The following EPHA3 variants were observed in gnomAD, a reference collection of about 807,000 sequenced individuals.
EPHA3 encodes ephrin type-A receptor 3.
A neutral mutation model predicts 107.1 loss-of-function variants in EPHA3; 42 were observed. The observed-to-expected ratio is 0.39, with a 90% CI of 0.31 to 0.51. The LOEUF (loss-of-function observed/expected upper bound fraction) is 0.51, where lower values mean the gene tolerates loss of function less well. EPHA3 is among the 20% of genes least tolerant of loss of function. EPHA3 has a pLI of 0.78. For synonymous variants in EPHA3, 461 were observed against 424.8 expected (o/e 1.09, Z -1.05); for missense variants, 1,183 against 1,211.2 (o/e 0.98, Z 0.35).
chr3:89,358,706 AGTTTT>A lies in EPHA3; in HGVS notation c.1306+16617_1306+16621del, dbSNP rs1466990184. ...CAGATTATATGACATTAAGTATAAT[AGTTTT>A]ATCTTTTTTTCATTACTAAAGCAGA... is the stretch of plus-strand genomic sequence containing the variant. On this transcript the variant is annotated intron_variant, in intron 5 of 16. Transcript: ENST00000336596. Among the ~76,000 whole-genome samples the A allele has an allele frequency of 9.9e-5, 15 of 151,250 alleles. 1 individual carries two copies. The Admixed American group carries it at 9.9e-4, about 10-fold the overall frequency.
chr3:89,472,645 G>C, intron 16 of EPHA3, 26 bp downstream of exon 16: 1 of 1,596,686 alleles, frequency 6.3e-7, no homozygotes, highest in Non-Finnish European at 8.5e-7. Flanking sequence ...TCATTAAGAA[G>C]AATGAAGGAT....
chr3:89,230,145 A>T (rs925190258), intron 3 of EPHA3, among the ~76,000 whole-genome samples: 4 of 152,128 alleles, frequency 2.6e-5, no homozygotes, highest in Non-Finnish European at 5.9e-5. Flanking sequence ...AGAGCAATTA[A>T]GTAAACTCAC....
At chr3:89,336,152 T>A (rs182811689) in intron 3 of EPHA3, among the ~76,000 whole-genome samples, 1 of 152,314 alleles carries the variant, frequency 6.6e-6, no homozygotes, top group Admixed American at 6.5e-5. Flanking sequence ...CATTAATACA[T>A]CTACTTTTTA....
rs539580765 is a variant in EPHA3 at position 89,355,013 on chromosome 3, A to G, written c.1306+12923A>G. ...CACATGATTGTATTTACTCTTAATC[A>G]ATGCTAATTCAAAAGCACCCTCTTG... is the stretch of plus-strand genomic sequence containing the variant. On this transcript the variant is annotated intron_variant, in intron 5 of 16. Coordinates refer to ENST00000336596, the MANE Select transcript of EPHA3 (RefSeq NM_005233.6). Among the ~76,000 whole-genome samples, 4 of 151,272 alleles carry G rather than the reference A, an allele frequency of 2.6e-5. No homozygotes were observed. In the East Asian group the frequency reaches 7.8e-4, roughly 29 times the overall value.
In EPHA3 at chr3:89,348,554, C is replaced by T. The variant is rs1156320107; in HGVS notation, c.1306+6464C>T. Among the ~76,000 whole-genome samples, 324 of 136,656 alleles carry T rather than the reference C, an allele frequency of 2.4e-3. 1 individual carries two copies. The highest frequency in any genetic ancestry group is 9.0e-3 in the African/African-American group (274 of 30,560). The allele number at this position is 136,656 out of a possible 152,430, so 89.7% of individuals were successfully genotyped here. On this transcript the variant is annotated intron_variant, in intron 5 of 16. Transcript: ENST00000336596. ...GCGGTCTATCAATTTTGTTGATCCTCTCAAAAAACCAGCTCCTGGATTCAT... is the reference window on the plus strand; with the variant it reads ...GCGGTCTATCAATTTTGTTGATCCTTTCAAAAAACCAGCTCCTGGATTCAT...
At chr3:89,276,227 T>C (rs1013911121) in intron 3 of EPHA3, among the ~76,000 whole-genome samples, 1 of 152,104 alleles carries the variant, frequency 6.6e-6, no homozygotes, top group Non-Finnish European at 1.5e-5. Context: ...TAAAAATATG[T>C]CAACCTTTTA....
At chr3:89,218,545 A>T (rs1704274193) in intron 3 of EPHA3, among the ~76,000 whole-genome samples, 2 of 151,930 alleles carry the variant, frequency 1.3e-5, no homozygotes, top group Admixed American at 6.6e-5. Context: ...ATTGTTGGAC[A>T]TTTGGGTTGG....
At chr3:89,406,917 A>G (rs138858850) in intron 7 of EPHA3, among the ~76,000 whole-genome samples, 148 of 152,260 alleles carry the variant, frequency 9.7e-4, no homozygotes, top group Middle Eastern at 3.4e-3. Flanking sequence ...TCTCTTCTCT[A>G]AGATCCTCCC....
intron 3 of EPHA3, among the ~76,000 whole-genome samples, chr3:89,286,960 C>T (rs570258797): frequency 3.3e-5 from 5 of 152,190 alleles, no homozygotes; most frequent in East Asian, 1.9e-4. Context: ...ATTTTTTAGA[C>T]TCACTTTATA....
intron 3 of EPHA3, among the ~76,000 whole-genome samples, chr3:89,250,490 T>C (rs1386012770): frequency 6.6e-6 from 1 of 152,210 alleles, no homozygotes; most frequent in Non-Finnish European, 1.5e-5. Context: ...AATTTGTTGT[T>C]CTAGTCATGT....
intron 2 of EPHA3, among the ~76,000 whole-genome samples, chr3:89,160,043 A>G (rs1407999098): frequency 1.3e-5 from 2 of 152,250 alleles, no homozygotes; most frequent in Non-Finnish European, 2.9e-5. Context: ...ATACTACAAT[A>G]ACCCGACACT....
intron 3 of EPHA3, among the ~76,000 whole-genome samples, chr3:89,336,271 AAGG>A (rs1255626928): frequency 6.6e-6 from 1 of 152,158 alleles, no homozygotes; most frequent in Non-Finnish European, 1.5e-5. Context: ...CAAGGAAGGA[AAGG>A]AGATGTTTTC....
At chr3:89,369,069 G>T (rs79574058) in intron 5 of EPHA3, among the ~76,000 whole-genome samples, 1 of 150,334 alleles carries the variant, frequency 6.7e-6, no homozygotes, top group Non-Finnish European at 1.5e-5. Context: ...CTATTGAAGC[G>T]TGTCATGGAA....
intron 3 of EPHA3, among the ~76,000 whole-genome samples, chr3:89,274,373 A>T (rs534946833): frequency 1.2e-4 from 18 of 152,078 alleles, no homozygotes; most frequent in Admixed American, 2.0e-4. Flanking sequence ...CTTTATGAAT[A>T]TTGCAAACAC....
rs138605369 is a variant in EPHA3 at position 89,481,855 on chromosome 3, G to A, written c.*2353G>A. 12 of 231,204 alleles carry A rather than the reference G, an allele frequency of 5.2e-5. No individual in the cohort carries two copies. The highest frequency in any genetic ancestry group is 8.6e-5 in the Non-Finnish European group (10 of 116,536). The allele number at this position is 231,204 out of a possible 1,614,324, so 14.3% of individuals were successfully genotyped here. A position where few individuals can be genotyped will look rare whatever the true frequency, so the allele number is the denominator to read the frequency against. On this transcript the variant is annotated 3_prime_UTR_variant, in exon 17 of 17. Transcript: ENST00000336596. ...CATAAAGCCACAACTCCTACATGAT[G>A]TTATGTACCATATGATCTGTTTTGT...
At chr3:89,323,544 T>C (rs1236257185) in intron 3 of EPHA3, among the ~76,000 whole-genome samples, 1 of 152,148 alleles carries the variant, frequency 6.6e-6, no homozygotes, top group African/African-American at 2.4e-5. Flanking sequence ...GGTATGATCA[T>C]AATTTTTTCT....
Position 89,210,123 on chromosome 3 carries a change from G to A in EPHA3, c.417G>A (p.Gln139=), listed in dbSNP as rs545362048. The A allele has an allele frequency of 6.2e-7, 1 of 1,614,036 alleles. No homozygotes were observed. The highest frequency in any genetic ancestry group is 1.1e-5 in the South Asian group (1 of 91,084). Residue 139 remains glutamine (Q), a synonymous_variant, in exon 3 of 17, where the codon CAG becomes CAA. Coordinates refer to ENST00000336596, the MANE Select transcript of EPHA3 (RefSeq NM_005233.6). ...ATGGGGTGAAATTTCGAGAGCATCAGTTTACAAAGATTGACACCATTGCAG... is the reference window on the plus strand; with the variant it reads ...ATGGGGTGAAATTTCGAGAGCATCAATTTACAAAGATTGACACCATTGCAG... ...DDHGVKFREH[Q]FTKIDTIAAD... is the part of the protein sequence containing the mutation.
At position 89,130,779 on chromosome 3, in the gene EPHA3, C is replaced by T. The variant is rs576444536; in HGVS notation, c.153+3506C>T. On this transcript the variant is annotated intron_variant, in intron 2 of 16. Transcript: ENST00000336596. The stretch of plus-strand genomic sequence containing the variant: ...CCTCCCGAGTAGTTGGGACTACAGG[C>T]GCCCGCCACCACGCTCAGCTAATTT... 1.1e-4 allele frequency among the ~76,000 whole-genome samples: 16 copies of T among 152,208 alleles called. No homozygotes were observed. The South Asian group carries it at 2.9e-3, about 28-fold the overall frequency.
At chr3:89,250,323 T>C (rs1705131520) in intron 3 of EPHA3, among the ~76,000 whole-genome samples, 1 of 152,204 alleles carries the variant, frequency 6.6e-6, no homozygotes, top group South Asian at 2.1e-4. Flanking sequence ...CAGTTGCTTC[T>C]TTCCATCATA....
Sources: gnomAD v4.1 joint callset for allele counts (sites outside exome capture counted in the v4.1 genomes callset) on GRCh38, gnomAD v4.1.1 for gene constraint, MANE v1.5 for transcripts, NCBI Gene and HGNC (gene_info 2026-07-23, HGNC 2026-07-21) for gene names.